CFAP97D2: variants seen among roughly 807,000 people sequenced by gnomAD.
CFAP97D2 encodes the protein CFAP97 domain containing 2.
chr13:114,183,690 C>A (rs1555349310), intron 1 of CFAP97D2, among the ~76,000 whole-genome samples: 1 of 152,080 alleles, frequency 6.6e-6, no homozygotes, highest in Non-Finnish European at 1.5e-5. Flanking sequence ...CTCTCTAAAG[C>A]CTCTTTTATT....
At chr13:114,202,054 G>A (rs1018507355) in intron 3 of CFAP97D2, among the ~76,000 whole-genome samples, 2 of 152,182 alleles carry the variant, frequency 1.3e-5, no homozygotes, top group Non-Finnish European at 2.9e-5. Flanking sequence ...GCCCATCGAA[G>A]GTTCCCTATG....
rs1331889706 is a variant in CFAP97D2, at chr13:114,203,758, G to A, written c.290+3315G>A. Among the ~76,000 whole-genome samples, 1 of 152,196 alleles carries A rather than the reference G, an allele frequency of 6.6e-6. No homozygotes were observed. Among genetic ancestry groups the A allele is most frequent in the Non-Finnish European group, 1.5e-5 (1 of 68,038 alleles). ...GTGGCTTCACCCGTTTCCCCAGTGC[G>A]CATGTGGGCATGTGCAGACAAGGCC... On this transcript the variant is annotated intron_variant, in intron 3 of 4. Transcript: ENST00000646158. This position sits in a 1 kb window ranked among gnomAD's most constrained non-coding sequence, Gnocchi z 4.3.
rs2080853137 is a variant in CFAP97D2, at chr13:114,186,279, G to A, written c.90+6859G>A. On this transcript the variant is annotated intron_variant, in intron 1 of 4. Coordinates refer to ENST00000646158, the Ensembl canonical transcript of CFAP97D2. This position sits in a 1 kb window ranked among gnomAD's most constrained non-coding sequence, Gnocchi z 4.3. ...CGTCAGGACAACCAGCTTCAGGGAG[G>A]AGCTACCCTCTCTACTGAGAGCTGA... Among the ~76,000 whole-genome samples, 1 of 152,192 alleles carries A rather than the reference G, an allele frequency of 6.6e-6. No individual in the cohort carries two copies. The highest frequency in any genetic ancestry group is 2.1e-4 in the South Asian group (1 of 4,836).
Position 114,179,626 on chromosome 13 carries a change from CT to C in CFAP97D2, c.90+218del, listed in dbSNP as rs765746333. 1.4e-3 allele frequency among the ~76,000 whole-genome samples: 199 copies of C among 144,990 alleles called. No homozygotes were observed. Among genetic ancestry groups the C allele is most frequent in the Middle Eastern group, 3.6e-3 (1 of 274 alleles). On this transcript the variant is annotated intron_variant, in intron 1 of 4. Transcript: ENST00000646158. This position sits in a 1 kb window ranked among gnomAD's most constrained non-coding sequence, Gnocchi z 4.8. The stretch of plus-strand genomic sequence containing the variant: ...AAATAGTTGACGGCTTTCTTTCTTT[CT>C]TTTTTTTTTTTGAGATGACAGCTTT...
At chr13:114,182,196 A>G (rs1378918783) in intron 1 of CFAP97D2, among the ~76,000 whole-genome samples, 1 of 142,604 alleles carries the variant, frequency 7.0e-6, no homozygotes, top group African/African-American at 2.6e-5. Flanking sequence ...TCTATGTCGT[A>G]ATTAAGTTCA....
Position 114,207,184 on chromosome 13 carries a change from T to C in CFAP97D2, c.291-4728T>C, listed in dbSNP as rs116869938. On this transcript the variant is annotated intron_variant, in intron 3 of 4. Coordinates refer to ENST00000646158, the Ensembl canonical transcript of CFAP97D2. The surrounding 1 kb of genome is among the most constrained non-coding windows in gnomAD (Gnocchi z 4.9). ...CCCTGCCGCTGCAAGGGCAGCACCA[T>C]GCAGGGCACACAGAAAGTCCTCAGG... Among the ~76,000 whole-genome samples the C allele has an allele frequency of 5.8e-3, 888 of 152,306 alleles. 21 individuals are homozygous for C. The highest frequency in any genetic ancestry group is 0.052 in the Admixed American group (789 of 15,300).
At position 114,212,086 on chromosome 13, in the gene CFAP97D2, T is replaced by TA. The variant is rs2080969376; in HGVS notation, c.466dup (p.Thr156AsnfsTer3). On this transcript the variant is annotated frameshift_variant, in exon 4 of 5. Transcript: ENST00000646158. LOFTEE classifies it low-confidence loss of function (END_TRUNC). ...GTGGAATCTCCCTGGAGACAGCAGA[T>TA]ACGCCTAGCAAAAAGGTACCCGCAC... 1 of 398,530 alleles carries TA rather than the reference T, an allele frequency of 2.5e-6. No individual in the cohort carries two copies. The highest frequency in any genetic ancestry group is 2.1e-5 in the African/African-American group (1 of 48,636). 24.7% of individuals were successfully genotyped at this position (398,530 alleles called of 1,614,324 possible). A position where few individuals can be genotyped will look rare whatever the true frequency, so the allele number is the denominator to read the frequency against.
intron 3 of CFAP97D2, among the ~76,000 whole-genome samples, chr13:114,206,969 T>C (rs1031096960): frequency 1.3e-5 from 2 of 152,154 alleles, no homozygotes; most frequent in Non-Finnish European, 2.9e-5. Flanking sequence ...AGTTCTTGCC[T>C]TAAAGGGACA....
chr13:114,197,991 T>G (rs1232366542), intron 2 of CFAP97D2, among the ~76,000 whole-genome samples: 1 of 152,138 alleles, frequency 6.6e-6, no homozygotes, highest in African/African-American at 2.4e-5. Context: ...TTCTTTTCTT[T>G]TTTTATTTTG....
At chr13:114,191,166 T>C (rs2138756224) in intron 1 of CFAP97D2, among the ~76,000 whole-genome samples, 1 of 152,018 alleles carries the variant, frequency 6.6e-6, no homozygotes, top group Middle Eastern at 3.4e-3. Context: ...GGACCATGAG[T>C]ATGGGAATGA....
intron 3 of CFAP97D2, among the ~76,000 whole-genome samples, chr13:114,210,954 A>G (rs1594521126): frequency 6.6e-6 from 1 of 152,256 alleles, no homozygotes; most frequent in East Asian, 1.9e-4. Flanking sequence ...TTTCCAAAAC[A>G]ACAGATGCAA....
At chr13:114,209,751 C>T (rs57254598) in intron 3 of CFAP97D2, among the ~76,000 whole-genome samples, 32,390 of 152,132 alleles carry the variant, frequency 0.21, 4,391 homozygotes, top group East Asian at 0.45. Flanking sequence ...TGTGTGTTGA[C>T]CTGTCTACTG....
intron 1 of CFAP97D2, among the ~76,000 whole-genome samples, chr13:114,192,333 G>A (rs2080872707): frequency 6.6e-6 from 1 of 152,168 alleles, no homozygotes; most frequent in African/African-American, 2.4e-5. Context: ...TGGATGCAGA[G>A]GGTATATGGG....
intron 4 of CFAP97D2, among the ~76,000 whole-genome samples, chr13:114,218,736 A>G (rs1457629388): frequency 2.6e-5 from 4 of 152,328 alleles, no homozygotes; most frequent in African/African-American, 7.2e-5. Context: ...ATCTACAACC[A>G]TTTGATCTTT....
chr13:114,205,644 A>G (rs2080936515), intron 3 of CFAP97D2, among the ~76,000 whole-genome samples: 1 of 152,076 alleles, frequency 6.6e-6, no homozygotes, highest in South Asian at 2.1e-4. Context: ...AGTGGAGACA[A>G]TGGCAATCTT....
At chr13:114,208,348 G>A (rs969435434) in intron 3 of CFAP97D2, among the ~76,000 whole-genome samples, 16 of 152,136 alleles carry the variant, frequency 1.1e-4, no homozygotes, top group East Asian at 7.7e-4. Flanking sequence ...GAATGGTGAC[G>A]TCATAGACTC....
At chr13:114,198,156 T>G (rs2080895765) in intron 2 of CFAP97D2, among the ~76,000 whole-genome samples, 1 of 152,066 alleles carries the variant, frequency 6.6e-6, no homozygotes, top group South Asian at 2.1e-4. Context: ...CCCGGCTAAT[T>G]TTTTGTATTT....
intron 1 of CFAP97D2, among the ~76,000 whole-genome samples, chr13:114,191,030 G>A (rs1364634383): frequency 6.6e-6 from 1 of 152,186 alleles, no homozygotes; most frequent in Non-Finnish European, 1.5e-5. Context: ...CCACATGGAA[G>A]AAGAGGAATC....
chr13:114,215,351 G>C (rs1484807753), intron 4 of CFAP97D2, among the ~76,000 whole-genome samples: 1 of 152,118 alleles, frequency 6.6e-6, no homozygotes, highest in African/African-American at 2.4e-5. Flanking sequence ...TATTATCAAT[G>C]TCATAAGTAT....
Sources: allele counts gnomAD v4.1 joint callset (sites outside exome capture counted in the v4.1 genomes callset), GRCh38; gene constraint gnomAD v4.1.1; non-coding constraint Gnocchi (gnomAD v3.1); transcripts MANE v1.5; gene names NCBI Gene and HGNC (gene_info 2026-07-23, HGNC 2026-07-21).